Variants in NBEA observed in about 807,000 individuals in gnomAD.
NBEA encodes neurobeachin.
Under a neutral mutation model 343.4 loss-of-function variants are expected in NBEA, and 44 were observed. The observed-to-expected ratio is 0.13, with a 90% CI of 0.10 to 0.16. NBEA has a LOEUF of 0.16. NBEA is among the 10% of genes least tolerant of loss of function. NBEA has a pLI of 1.00. For missense variants in NBEA, 2,555 were observed against 3,631.3 expected, an observed-to-expected ratio of 0.70 and a Z score of 7.62; for synonymous variants, 1,175 against 1,238.7, an observed-to-expected ratio of 0.95 and a Z score of 1.08.
chr13:35,492,978 T>G (rs1050256634), intron 41 of NBEA, among the ~76,000 whole-genome samples: 3 of 151,958 alleles, frequency 2.0e-5, no homozygotes, highest in African/African-American at 7.2e-5. Context: ...ATAGGCAGAA[T>G]AGTTTACTAA....
At chr13:34,965,653 G>C (rs1234026550) in intron 1 of NBEA, among the ~76,000 whole-genome samples, 1 of 151,740 alleles carries the variant, frequency 6.6e-6, no homozygotes, top group Non-Finnish European at 1.5e-5. Flanking sequence ...ATGGATCCTT[G>C]TTTAACTCAC....
intron 34 of NBEA, among the ~76,000 whole-genome samples, chr13:35,242,046 AC>A (rs1311740433): frequency 6.6e-6 from 1 of 151,952 alleles, no homozygotes; most frequent in Non-Finnish European, 1.5e-5. Flanking sequence ...ATGCAAAGGA[AC>A]AAAACAACTT....
At chr13:35,280,861 C>T (rs940247416) in intron 34 of NBEA, among the ~76,000 whole-genome samples, 1 of 151,552 alleles carries the variant, frequency 6.6e-6, no homozygotes. Flanking sequence ...TGTAATAGAT[C>T]TCCGTCATAT....
At chr13:35,254,900 A>AT (rs895768979) in intron 34 of NBEA, among the ~76,000 whole-genome samples, 1 of 151,764 alleles carries the variant, frequency 6.6e-6, no homozygotes, top group Non-Finnish European at 1.5e-5. Context: ...TTAAAATAAT[A>AT]TTTTTTTAAT....
intron 1 of NBEA, among the ~76,000 whole-genome samples, chr13:35,015,140 C>CAAAAAAAAAAAAAA (rs2061610416): frequency 2.9e-5 from 1 of 34,818 alleles, no homozygotes; most frequent in Non-Finnish European, 5.1e-5. Flanking sequence ...AAAAAAAAAA[C>CAAAAAAAAAAAAAA]AAACAAAAAA....
At chr13:35,607,426 TCA>T (rs2082325318) in intron 48 of NBEA, among the ~76,000 whole-genome samples, 2 of 152,156 alleles carry the variant, frequency 1.3e-5, no homozygotes, top group South Asian at 4.1e-4. Context: ...TTAATACATT[TCA>T]CACATATTTA....
chr13:34,992,873 CAG>C (rs1454099964), intron 1 of NBEA, among the ~76,000 whole-genome samples: 1 of 146,302 alleles, frequency 6.8e-6, no homozygotes, highest in African/African-American at 2.5e-5. Context: ...TTAGTAGAGA[CAG>C]GGTTTCACCG....
chr13:35,227,698 A>G (rs2074732088), intron 33 of NBEA, among the ~76,000 whole-genome samples: 1 of 152,064 alleles, frequency 6.6e-6, no homozygotes, highest in Admixed American at 6.6e-5. Flanking sequence ...ATTGTTGTTT[A>G]TTATATTTGT....
At position 35,277,647 on chromosome 13, in the gene NBEA, A is replaced by G. The variant is rs1185777296; in HGVS notation, c.5777-12742A>G. Among the ~76,000 whole-genome samples the G allele has an allele frequency of 1.2e-3, 146 of 124,270 alleles. 2 individuals are homozygous for G. The highest frequency in any genetic ancestry group is 3.0e-3 in the South Asian group (10 of 3,344). The allele number at this position is 124,270 out of a possible 152,430, so 81.5% of individuals were successfully genotyped here. On this transcript the variant is annotated intron_variant, in intron 34 of 58. Transcript: ENST00000379939. ...CAAAAAAAAAAAAAAAAAAAAAAAA[A>G]AGTGGGGGAAACAACATATGTATGC...
At chr13:35,552,203 C>G (rs1481527989) in intron 43 of NBEA, among the ~76,000 whole-genome samples, 2 of 152,180 alleles carry the variant, frequency 1.3e-5, no homozygotes, top group Non-Finnish European at 2.9e-5. Context: ...CTTAAATAGG[C>G]TACAGACAAC....
At position 34,992,525 on chromosome 13, in the gene NBEA, G is replaced by A. The variant is rs9542892; in HGVS notation, c.295-48408G>A. Among the ~76,000 whole-genome samples, 312 of 150,850 alleles carry A rather than the reference G, an allele frequency of 2.1e-3. 2 individuals carry two copies. Among genetic ancestry groups the A allele is most frequent in the African/African-American group, 7.2e-3 (296 of 41,054 alleles). The stretch of plus-strand genomic sequence containing the variant: ...CAAGAAGCAAATAATTTTGGAATCT[G>A]TAGTCCCTTAATGGGGAGAAAAGGA... On this transcript the variant is annotated intron_variant, in intron 1 of 58. Transcript: ENST00000379939.
At chr13:35,088,910 A>C (rs1332277750) in intron 10 of NBEA, among the ~76,000 whole-genome samples, 2 of 144,052 alleles carry the variant, frequency 1.4e-5, no homozygotes, top group Non-Finnish European at 3.0e-5. Flanking sequence ...AAATTAATTC[A>C]AGATGGATTA....
intron 27 of NBEA, among the ~76,000 whole-genome samples, chr13:35,175,367 T>G (rs1313352860): frequency 6.6e-6 from 1 of 152,228 alleles, no homozygotes; most frequent in East Asian, 1.9e-4. Context: ...TTTGTTCCCC[T>G]GTCTAGCAGT....
At position 35,311,766 on chromosome 13, in the gene NBEA, A is replaced by G. The variant is rs182062786; in HGVS notation, c.5903+2174A>G. Among the ~76,000 whole-genome samples the G allele has an allele frequency of 3.9e-5, 6 of 152,230 alleles. No individual in the cohort carries two copies. The East Asian group carries it at 9.7e-4, about 25-fold the overall frequency. On this transcript the variant is annotated intron_variant, in intron 36 of 58. Coordinates refer to ENST00000379939, the MANE Select transcript of NBEA (RefSeq NM_001385012.1). ...CCACTCAGGAGGCTGAGGCAGGAGAATCACTTGAGCCCGGGAGGTGGAGGT... is the reference window on the plus strand; with the variant it reads ...CCACTCAGGAGGCTGAGGCAGGAGAGTCACTTGAGCCCGGGAGGTGGAGGT...
chr13:35,316,403 C>A (rs1333756684), intron 36 of NBEA, among the ~76,000 whole-genome samples: 2 of 152,132 alleles, frequency 1.3e-5, no homozygotes, highest in South Asian at 4.1e-4. Context: ...TGATGGTTCC[C>A]AGCTTCATCC....
chr13:35,305,232 G>A (rs2036815597), intron 35 of NBEA, among the ~76,000 whole-genome samples: 1 of 152,110 alleles, frequency 6.6e-6, no homozygotes, highest in South Asian at 2.1e-4. Context: ...AAACTTTCCA[G>A]TAGAACTAAA....
chr13:35,253,865 A>G (rs1044219388), intron 34 of NBEA, among the ~76,000 whole-genome samples: 4 of 152,142 alleles, frequency 2.6e-5, no homozygotes, highest in Non-Finnish European at 1.5e-5. Context: ...AGAACAGAAG[A>G]ATGGTATATT....
At chr13:35,245,459 G>A (rs555984904) in intron 34 of NBEA, among the ~76,000 whole-genome samples, 23 of 152,026 alleles carry the variant, frequency 1.5e-4, no homozygotes, top group Non-Finnish European at 2.7e-4. Flanking sequence ...TCCTTTTAGC[G>A]GTTCTTGTTT....
At chr13:35,453,664 C>A (rs1457975901) in intron 40 of NBEA, among the ~76,000 whole-genome samples, 1 of 152,064 alleles carries the variant, frequency 6.6e-6, no homozygotes, top group African/African-American at 2.4e-5. Flanking sequence ...AATAATTGTA[C>A]AGTTCAAATT....
Sources: gnomAD v4.1 joint callset for allele counts (sites outside exome capture counted in the v4.1 genomes callset) on GRCh38, gnomAD v4.1.1 for gene constraint, MANE v1.5 for transcripts, NCBI Gene and HGNC (gene_info 2026-07-23, HGNC 2026-07-21) for gene names.